PTPRD: variants seen among roughly 807,000 people sequenced by gnomAD.
PTPRD encodes receptor-type tyrosine-protein phosphatase delta.
PTPRD carries 34 observed loss-of-function variants against 214.5 expected under a neutral mutation model. The observed-to-expected ratio is 0.16, with a 90% confidence interval of 0.12 to 0.21. The LOEUF (loss-of-function observed/expected upper bound fraction) is 0.21. PTPRD is among the 10% of genes least tolerant of loss of function. The pLI, the probability that PTPRD is intolerant of heterozygous loss-of-function variation, is 1.00. For synonymous variants in PTPRD, 1,128 were observed against 845.7 expected, an observed-to-expected ratio of 1.33 and a Z score of -5.79; for missense variants, 2,545 against 2,398.7, an observed-to-expected ratio of 1.06 and a Z score of -1.27.
intron 8 of PTPRD, among the ~76,000 whole-genome samples, chr9:9,430,617 A>G (rs1291035306): frequency 1.3e-5 from 2 of 152,322 alleles, no homozygotes; most frequent in East Asian, 1.9e-4. Context: ...CCAAAAGAAC[A>G]AAGCTGGAGG....
chr9:10,029,632 G>A (rs945704425), intron 4 of PTPRD, among the ~76,000 whole-genome samples: 3 of 152,154 alleles, frequency 2.0e-5, no homozygotes, highest in African/African-American at 7.2e-5. Context: ...ATTTGGAACG[G>A]CTGTATTTCC....
chr9:8,445,863 A>C (rs945292993), intron 34 of PTPRD, among the ~76,000 whole-genome samples: 5 of 152,156 alleles, frequency 3.3e-5, no homozygotes, highest in African/African-American at 1.2e-4. Flanking sequence ...CTTTGTTGCC[A>C]CTAACGAACT....
At chr9:9,702,813 A>G (rs531718876) in intron 7 of PTPRD, among the ~76,000 whole-genome samples, 2 of 152,274 alleles carry the variant, frequency 1.3e-5, no homozygotes, top group South Asian at 4.2e-4. Flanking sequence ...TTATGGTAAG[A>G]TCTAAAACAA....
chr9:9,441,988 C>G (rs141373866), intron 8 of PTPRD: 1 of 152,346 alleles, frequency 6.6e-6, no homozygotes, highest in East Asian at 1.9e-4. Context: ...ATATCTTATT[C>G]AAAATGTTCT....
chr9:9,063,688 A>C (rs2099713672), intron 10 of PTPRD, among the ~76,000 whole-genome samples: 1 of 152,206 alleles, frequency 6.6e-6, no homozygotes, highest in African/African-American at 2.4e-5. Context: ...AAAACCATTT[A>C]GCTTAGTGTA....
chr9:9,100,782 T>C (rs2154440930), intron 10 of PTPRD, among the ~76,000 whole-genome samples: 1 of 152,254 alleles, frequency 6.6e-6, no homozygotes, highest in African/African-American at 2.4e-5. Flanking sequence ...AGAATCTAGA[T>C]ATAAAAATCT....
intron 3 of PTPRD, among the ~76,000 whole-genome samples, chr9:10,176,235 CTA>C (rs2099247947): frequency 1.3e-5 from 2 of 151,576 alleles, no homozygotes; most frequent in South Asian, 4.2e-4. Flanking sequence ...GTACAAGTAA[CTA>C]TTTTTATATA....
At chr9:10,392,120 T>A (rs558787806) in intron 2 of PTPRD, among the ~76,000 whole-genome samples, 28 of 151,936 alleles carry the variant, frequency 1.8e-4, no homozygotes, top group Non-Finnish European at 3.8e-4. Flanking sequence ...TGTCTCTTCT[T>A]CTGTAATGTA....
intron 8 of PTPRD, among the ~76,000 whole-genome samples, chr9:9,426,839 G>A (rs150123550): frequency 0.041 from 6,258 of 152,292 alleles, 171 homozygotes; most frequent in Middle Eastern, 0.12. Flanking sequence ...ACCTGCAGCT[G>A]AGGGTCCTGA....
chr9:10,270,288 T>G (rs1271259632), intron 3 of PTPRD, among the ~76,000 whole-genome samples: 1 of 152,156 alleles, frequency 6.6e-6, no homozygotes, highest in Non-Finnish European at 1.5e-5. Flanking sequence ...AATAAAAGTT[T>G]ATTATGCTGA....
chr9:9,094,505 T>C (rs1185251782), intron 10 of PTPRD, among the ~76,000 whole-genome samples: 1 of 151,946 alleles, frequency 6.6e-6, no homozygotes, highest in Non-Finnish European at 1.5e-5. Flanking sequence ...ATAACAGACT[T>C]TGGGGACTTA....
intron 12 of PTPRD, among the ~76,000 whole-genome samples, chr9:8,732,131 C>G (rs987847599): frequency 2.0e-5 from 3 of 152,178 alleles, no homozygotes; most frequent in African/African-American, 7.2e-5. Context: ...TGACGGTTAT[C>G]TGCAGAAAAG....
chr9:9,700,955 G>A (rs2154411846), intron 7 of PTPRD, among the ~76,000 whole-genome samples: 1 of 151,974 alleles, frequency 6.6e-6, no homozygotes, highest in East Asian at 1.9e-4. Context: ...AGAAATGTGT[G>A]CAAAGAGTTG....
chr9:10,555,472 T>G (rs1455448174), intron 2 of PTPRD, among the ~76,000 whole-genome samples: 1 of 152,322 alleles, frequency 6.6e-6, no homozygotes, highest in East Asian at 1.9e-4. Flanking sequence ...CCCTTGCAGT[T>G]CTGGGCTGAA....
chr9:9,038,211 A>C (rs1173307546), intron 10 of PTPRD, among the ~76,000 whole-genome samples: 1 of 152,108 alleles, frequency 6.6e-6, no homozygotes, highest in Non-Finnish European at 1.5e-5. Context: ...GTGGGTGAGC[A>C]GGTGGGGAGA....
At chr9:9,256,692 A>C (rs1161886683) in intron 9 of PTPRD, among the ~76,000 whole-genome samples, 1 of 152,002 alleles carries the variant, frequency 6.6e-6, no homozygotes, top group Non-Finnish European at 1.5e-5. Context: ...ATAAGAGATA[A>C]ATAGCAGTGC....
intron 7 of PTPRD, among the ~76,000 whole-genome samples, chr9:9,718,404 T>G (rs1006845422): frequency 6.6e-6 from 1 of 152,128 alleles, no homozygotes; most frequent in Non-Finnish European, 1.5e-5. Flanking sequence ...GAGGTGCAGC[T>G]GGGGCTGTGT....
chr9:9,685,625 A>T (rs2097153287), intron 7 of PTPRD, among the ~76,000 whole-genome samples: 2 of 151,460 alleles, frequency 1.3e-5, no homozygotes, highest in South Asian at 4.1e-4. Flanking sequence ...AAACAAGGAA[A>T]AGTATGTTGC....
At chr9:9,837,909 C>G (rs146287282) in intron 5 of PTPRD, among the ~76,000 whole-genome samples, 1 of 152,134 alleles carries the variant, frequency 6.6e-6, no homozygotes, top group African/African-American at 2.4e-5. Context: ...CTAATGTTAT[C>G]CCTCCCCACT....
Sources: allele counts gnomAD v4.1 joint callset (sites outside exome capture counted in the v4.1 genomes callset), GRCh38; gene constraint gnomAD v4.1.1; transcripts MANE v1.5; gene names NCBI Gene and HGNC (gene_info 2026-07-23, HGNC 2026-07-21).